EYS: variants seen among roughly 807,000 people sequenced by gnomAD.
EYS encodes protein eyes shut homolog.
EYS carries 250 observed loss-of-function variants against 282.1 expected under a neutral mutation model. The observed-to-expected ratio is 0.89, with a 90% CI of 0.80 to 0.98. The LOEUF is 0.98. EYS is among the 50% of genes least tolerant of loss of function. The pLI is 0.00. For missense variants in EYS, 4,016 were observed against 3,709.0 expected (o/e 1.08, Z -2.15); for synonymous variants, 1,355 against 1,282.9 (o/e 1.06, Z -1.20).
chr6:64,413,091 T>C (rs1475684258), intron 28 of EYS, among the ~76,000 whole-genome samples: 2 of 152,128 alleles, frequency 1.3e-5, no homozygotes, highest in Admixed American at 6.6e-5. Flanking sequence ...GAAGCTTATG[T>C]TCAGGGCAAG....
At chr6:64,937,508 A>T (rs1310963279) in intron 15 of EYS, among the ~76,000 whole-genome samples, 5 of 151,584 alleles carry the variant, frequency 3.3e-5, no homozygotes, top group Non-Finnish European at 3.0e-5. Flanking sequence ...CCAAAAAGAG[A>T]TACACGAGGT....
intron 26 of EYS, among the ~76,000 whole-genome samples, chr6:64,451,660 C>T (rs1271560485): frequency 6.6e-6 from 1 of 152,126 alleles, no homozygotes; most frequent in Non-Finnish European, 1.5e-5. Flanking sequence ...GCTTATCCAC[C>T]ATGATCAAGC....
intron 26 of EYS, among the ~76,000 whole-genome samples, chr6:64,522,506 G>A (rs1777776780): frequency 6.6e-6 from 1 of 151,682 alleles, no homozygotes; most frequent in Non-Finnish European, 1.5e-5. Flanking sequence ...GGTGGTGTTC[G>A]AAGACAAATT....
intron 12 of EYS, among the ~76,000 whole-genome samples, chr6:65,106,429 A>G (rs970528816): frequency 2.6e-5 from 4 of 152,158 alleles, no homozygotes; most frequent in Admixed American, 1.3e-4. Flanking sequence ...TGTCTTAAAT[A>G]CATAATTATA....
chr6:63,766,688 C>T (rs1271843518), intron 40 of EYS, among the ~76,000 whole-genome samples: 2 of 152,008 alleles, frequency 1.3e-5, no homozygotes, highest in African/African-American at 4.8e-5. Flanking sequence ...AGGGTACTAG[C>T]ATCATCCTCA....
intron 12 of EYS, among the ~76,000 whole-genome samples, chr6:65,257,880 G>T (rs977253702): frequency 6.6e-6 from 1 of 151,820 alleles, no homozygotes; most frequent in Admixed American, 6.6e-5. Flanking sequence ...AGTAAAGATG[G>T]TTAATGAGTT....
At chr6:64,697,270 G>A (rs78570044) in intron 22 of EYS, among the ~76,000 whole-genome samples, 1,814 of 151,990 alleles carry the variant, frequency 0.012, 30 homozygotes, top group African/African-American at 0.041. Flanking sequence ...AGATAAAACA[G>A]ACTTAAAATC....
chr6:64,887,633 C>A (rs866774975), intron 18 of EYS, among the ~76,000 whole-genome samples: 4 of 152,110 alleles, frequency 2.6e-5, no homozygotes, highest in Non-Finnish European at 4.4e-5. Context: ...TAACTTCACT[C>A]ATCATTTTAT....
chr6:64,101,961 A>T (rs111919313), intron 31 of EYS, among the ~76,000 whole-genome samples: 6,351 of 151,798 alleles, frequency 0.042, 395 homozygotes, highest in African/African-American at 0.14. Flanking sequence ...TCCTAGGAGA[A>T]TCTAATGCCA....
intron 12 of EYS, among the ~76,000 whole-genome samples, chr6:65,215,886 T>A (rs1382556043): frequency 6.6e-6 from 1 of 152,210 alleles, no homozygotes; most frequent in African/African-American, 2.4e-5. Flanking sequence ...AATGAAGAAT[T>A]TTTCAGTTAA....
rs568533730 is a variant in EYS, at chr6:64,693,745, A to AT, written c.3444-67501dup. Among the ~76,000 whole-genome samples, 32 of 152,244 alleles carry AT rather than the reference A, an allele frequency of 2.1e-4. No individual in the cohort carries two copies. The East Asian group carries it at 5.8e-3, about 28-fold the overall frequency. On this transcript the variant is annotated intron_variant, in intron 22 of 42. Transcript: ENST00000503581. ...TAGGTCACAAATAGCGTAGCCATTA[A>AT]TTTTTTTAAAAAATCAATAAAGAAG... is the stretch of plus-strand genomic sequence containing the variant.
rs115418249 is a variant in EYS, at chr6:65,703,115, C to T, written c.-448+4020G>A. Among the ~76,000 whole-genome samples, 378 of 152,260 alleles carry T rather than the reference C, an allele frequency of 2.5e-3. 3 individuals carry two copies. Among genetic ancestry groups the T allele is most frequent in the African/African-American group, 8.6e-3 (356 of 41,554 alleles). On this transcript the variant is annotated intron_variant, in intron 1 of 42. Coordinates refer to ENST00000503581, the MANE Select transcript of EYS (RefSeq NM_001142800.2). ...CTTCCCTAGATCTTCAGCAGCTGGC[C>T]ATGCAAATATCAGACATGCCAACCT...
At chr6:65,208,916 A>G (rs583350) in intron 12 of EYS, among the ~76,000 whole-genome samples, 86,709 of 151,596 alleles carry the variant, frequency 0.57, 25,460 homozygotes, top group African/African-American at 0.66. Flanking sequence ...TCACAAACCT[A>G]CTCACGTGCA....
intron 30 of EYS, among the ~76,000 whole-genome samples, chr6:64,242,703 C>T (rs923376765): frequency 1.3e-5 from 2 of 151,626 alleles, no homozygotes; most frequent in Non-Finnish European, 2.9e-5. Flanking sequence ...CTAGCTACAT[C>T]TAAGGATAAT....
At chr6:64,753,466 T>C (rs74435836) in intron 22 of EYS, among the ~76,000 whole-genome samples, 2,918 of 150,886 alleles carry the variant, frequency 0.019, 85 homozygotes, top group East Asian at 0.14. Flanking sequence ...GTAGTTATAC[T>C]TACATCAGAT....
chr6:64,854,273 T>A (rs1475491204), intron 19 of EYS, among the ~76,000 whole-genome samples: 4 of 152,118 alleles, frequency 2.6e-5, no homozygotes, highest in Admixed American at 2.6e-4. Flanking sequence ...TGATTATAAA[T>A]CATGCTGCTA....
At chr6:64,572,810 CAGAA>C (rs772710684) in intron 26 of EYS, among the ~76,000 whole-genome samples, 1 of 151,912 alleles carries the variant, frequency 6.6e-6, no homozygotes, top group East Asian at 1.9e-4. Context: ...TGCTCATAGA[CAGAA>C]AGAATAAATA....
intron 13 of EYS, among the ~76,000 whole-genome samples, chr6:65,007,679 C>T (rs2150131248): frequency 6.6e-6 from 1 of 152,194 alleles, no homozygotes; most frequent in South Asian, 2.1e-4. Context: ...CCCAAACGGT[C>T]CAAAAGGAGA....
intron 26 of EYS, among the ~76,000 whole-genome samples, chr6:64,559,757 A>T (rs1162392): frequency 0.028 from 4,071 of 143,040 alleles, 61 homozygotes; most frequent in African/African-American, 0.036. Context: ...ACTCTTTTTT[A>T]AAAAAAAATT....
Sources: gnomAD v4.1 joint callset for allele counts (sites outside exome capture counted in the v4.1 genomes callset) on GRCh38, gnomAD v4.1.1 for gene constraint, MANE v1.5 for transcripts, NCBI Gene and HGNC (gene_info 2026-07-23, HGNC 2026-07-21) for gene names.